The following VPS13C variants were observed in gnomAD, a reference collection of about 807,000 sequenced individuals.
VPS13C encodes intermembrane lipid transfer protein VPS13C.
In VPS13C, 358 loss-of-function variants were observed where a neutral mutation model predicts 456.8. The ratio of observed to expected loss-of-function variants is 0.78; its 90% CI spans 0.72 to 0.86. The LOEUF is 0.86. Ranked by LOEUF, VPS13C falls within the 40% of genes least tolerant of loss-of-function variation. VPS13C has a pLI of 0.00. For synonymous variants in VPS13C, 1,578 were observed against 1,486.7 expected (o/e 1.06, Z -1.41); for missense variants, 4,818 against 4,385.4 (o/e 1.10, Z -2.79).
chr15:61,958,284 A>T lies in VPS13C; in HGVS notation c.4165+324T>A, dbSNP rs542441045. 3.9e-5 allele frequency among the ~76,000 whole-genome samples: 6 copies of T among 152,172 alleles called. No homozygotes were observed. In the East Asian group the frequency reaches 1.2e-3, roughly 29 times the overall value. ...CAGATACACTATGCTACCATAACCT[A>T]CTGCCAACTCAAAATGGTTTCTTCT... is the stretch of plus-strand genomic sequence containing the variant. On this transcript the variant is annotated intron_variant, in intron 37 of 84. Coordinates refer to ENST00000644861, the MANE Select transcript of VPS13C (RefSeq NM_020821.3).
intron 2 of VPS13C, 145 bp from the exon 3 acceptor site, chr15:62,041,511 T>C (rs1567141383): frequency 4.0e-6 from 3 of 752,320 alleles, no homozygotes; most frequent in Admixed American, 3.4e-5. Flanking sequence ...AAAGGACATG[T>C]TTTATAGCCA....
intron 66 of VPS13C, among the ~76,000 whole-genome samples, chr15:61,903,696 A>G (rs2043071166): frequency 6.6e-6 from 1 of 152,246 alleles, no homozygotes; most frequent in South Asian, 2.1e-4. Context: ...AATCCTGAGC[A>G]AAAAGAATAA....
chr15:61,999,379 CAAA>C (rs200452220), intron 16 of VPS13C, among the ~76,000 whole-genome samples: 3 of 116,028 alleles, frequency 2.6e-5, no homozygotes, highest in Admixed American at 9.0e-5. Context: ...GACTCCATCT[CAAA>C]AAAAAAAAAA....
chr15:62,041,278 A>T, intron 3 of VPS13C, 46 bp downstream of exon 3: 1 of 1,566,846 alleles, frequency 6.4e-7, no homozygotes, highest in Non-Finnish European at 8.6e-7. Context: ...GCAAAATAGA[A>T]AACAATAGGA....
At chr15:62,033,352 T>C in intron 5 of VPS13C, 89 bp downstream of exon 5, 5 of 755,608 alleles carry the variant, frequency 6.6e-6, no homozygotes, top group Non-Finnish European at 5.8e-6. Context: ...CTTCAACTTA[T>C]GAAGGCTTAC....
intron 75 of VPS13C, 40 bp from the exon 76 acceptor site, chr15:61,875,885 A>C (rs775662453): frequency 1.6e-6 from 2 of 1,290,148 alleles, no homozygotes; most frequent in Non-Finnish European, 2.2e-6. Flanking sequence ...CTTCACAACT[A>C]TTGTAAGAAA....
rs557647780 is a variant in VPS13C, at chr15:61,854,469, T to C, written c.11250A>G (p.Gln3750=). ...KQSSVRLLRP[Q]LPS is the part of the protein sequence containing the mutation. The stretch of plus-strand genomic sequence containing the variant: ...CTGAGGTCTGTGATTAAGATGGCAA[T>C]TGGGGTCTGAGAAGTCTCACTGATG... The change falls in exon 85 of 85, where the codon CAA becomes CAG. Residue 3750 remains glutamine (Q), a synonymous_variant. Transcript: ENST00000644861. 233 of 1,614,144 alleles carry C rather than the reference T, an allele frequency of 1.4e-4. 4 individuals carry two copies. In the South Asian group the frequency reaches 1.9e-3, roughly 13 times the overall value.
intron 47 of VPS13C, among the ~76,000 whole-genome samples, chr15:61,938,510 C>A (rs752704395): frequency 6.6e-6 from 1 of 152,116 alleles, no homozygotes; most frequent in African/African-American, 2.4e-5. Flanking sequence ...TTTAGAGAGA[C>A]CTGGATCAGC....
At chr15:61,860,148 T>C (rs1356385645) in intron 82 of VPS13C, among the ~76,000 whole-genome samples, 1 of 152,082 alleles carries the variant, frequency 6.6e-6, no homozygotes, top group Non-Finnish European at 1.5e-5. Flanking sequence ...AGAAAAAGAC[T>C]AACATACCAA....
At chr15:61,905,347 T>C (rs989232889) in intron 66 of VPS13C, among the ~76,000 whole-genome samples, 1 of 152,198 alleles carries the variant, frequency 6.6e-6, no homozygotes, top group Non-Finnish European at 1.5e-5. Context: ...TCTATCTTCA[T>C]GGTTATAATT....
At chr15:61,971,419 G>A (rs987162909) in intron 27 of VPS13C, among the ~76,000 whole-genome samples, 4 of 152,004 alleles carry the variant, frequency 2.6e-5, no homozygotes, top group East Asian at 1.9e-4. Context: ...CCACCACCAC[G>A]CCTAGCTAAT....
intron 52 of VPS13C, among the ~76,000 whole-genome samples, chr15:61,925,955 C>T (rs7167968): frequency 1.3e-5 from 2 of 152,132 alleles, no homozygotes; most frequent in African/African-American, 4.8e-5. Flanking sequence ...ACAGGTCAGT[C>T]TGAAATATCA....
intron 45 of VPS13C, 65 bp downstream of exon 45, chr15:61,945,650 G>C (rs999037556): frequency 1.5e-6 from 2 of 1,333,768 alleles, no homozygotes; most frequent in Non-Finnish European, 2.0e-6. Flanking sequence ...TACTATCTAG[G>C]TTCAGTTGTA....
intron 52 of VPS13C, among the ~76,000 whole-genome samples, chr15:61,926,228 C>T (rs1489616688): frequency 6.6e-6 from 1 of 152,070 alleles, no homozygotes; most frequent in Admixed American, 6.5e-5. Context: ...GCAAGACCCC[C>T]TTCTCTACAA....
intron 48 of VPS13C, chr15:61,935,811 TA>T (rs1348127374): frequency 1.3e-5 from 2 of 152,202 alleles, no homozygotes; most frequent in African/African-American, 4.8e-5. Context: ...GCAGTGTTGA[TA>T]TGGTATATCA....
At chr15:61,953,485 T>C (rs1170416515) in intron 38 of VPS13C, among the ~76,000 whole-genome samples, 2 of 148,732 alleles carry the variant, frequency 1.3e-5, no homozygotes, top group African/African-American at 2.5e-5. Flanking sequence ...TGAGAATATG[T>C]GGTGTTTGGT....
chr15:61,860,511 A>C (rs1037086835), intron 82 of VPS13C, among the ~76,000 whole-genome samples: 12 of 152,290 alleles, frequency 7.9e-5, no homozygotes, highest in South Asian at 4.1e-4. Context: ...AATAATAGAA[A>C]AAGATTTGGT....
At position 61,867,950 on chromosome 15, in the gene VPS13C, G is replaced by A. The variant is rs568103641; in HGVS notation, c.10863+709C>T. ...TATTCCTGTATTTCCAGTTCTTGCTGTGCAGGCAGAAAAACAAAGAAAATA... is the reference window on the plus strand; with the variant it reads ...TATTCCTGTATTTCCAGTTCTTGCTATGCAGGCAGAAAAACAAAGAAAATA... On this transcript the variant is annotated intron_variant, in intron 81 of 84. Coordinates refer to ENST00000644861, the MANE Select transcript of VPS13C (RefSeq NM_020821.3). The surrounding 1 kb of genome is among the most constrained non-coding windows in gnomAD (Gnocchi z 5.0). The A allele has an allele frequency of 2.5e-6, 4 of 1,576,466 alleles. No homozygotes were observed. Among genetic ancestry groups the A allele is most frequent in the East Asian group, 2.3e-5 (1 of 44,422 alleles).
intron 28 of VPS13C, 36 bp downstream of exon 28, chr15:61,969,263 A>T (rs774145117): frequency 3.4e-6 from 5 of 1,463,228 alleles, no homozygotes; most frequent in Admixed American, 4.3e-5. Flanking sequence ...TCCTATCTTT[A>T]TTATAGGCTA....
Sources: gnomAD v4.1 joint callset for allele counts (sites outside exome capture counted in the v4.1 genomes callset) on GRCh38, gnomAD v4.1.1 for gene constraint, Gnocchi (gnomAD v3.1) non-coding constraint, MANE v1.5 for transcripts, NCBI Gene and HGNC (gene_info 2026-07-23, HGNC 2026-07-21) for gene names.